CYP4F11: variants seen among roughly 807,000 people sequenced by gnomAD.
The protein encoded by CYP4F11 is cytochrome P450 4F11.
Under a neutral mutation model 62.2 loss-of-function variants are expected in CYP4F11, and 79 were observed. That is an observed-to-expected ratio of 1.27 (90% CI 1.06 to 1.53). The LOEUF (loss-of-function observed/expected upper bound fraction) is 1.53. CYP4F11 is among the 40% of genes most tolerant of loss of function. The probability of loss-of-function intolerance (pLI) is 0.00; values close to 1 mark genes in which losing one functional copy is unlikely to be tolerated. For synonymous variants in CYP4F11, 290 were observed against 263.7 expected (o/e 1.10, Z -0.97); for missense variants, 777 against 680.5 (o/e 1.14, Z -1.58).
chr19:15,921,475 T>G (rs2089628685), intron 8 of CYP4F11, among the ~76,000 whole-genome samples: 1 of 152,210 alleles, frequency 6.6e-6, no homozygotes, highest in Non-Finnish European at 1.5e-5. Context: ...CCCACCAGGC[T>G]GGGAGCACCT....
chr19:15,922,040 T>C lies in CYP4F11; in HGVS notation c.1112A>G (p.Glu371Gly). The C allele has an allele frequency of 6.2e-7, 1 of 1,603,274 alleles. No individual in the cohort carries two copies. Residue 371 changes from glutamate (E) to glycine (G), a missense_variant, in exon 8 of 12, where the codon GAA becomes GGA. Glu to Gly is a moderately conservative substitution (Grantham distance 98). Coordinates refer to ENST00000402119, the MANE Select transcript of CYP4F11 (RefSeq NM_021187.4). ...LLKDREPIEI[E>G]WDDLAQLPFL... Reference sequence around the variant, plus strand: ...ACAGGCCAGCACCTGCACTCACCATTCAATCTCTATAGGTTCACGGTCCTT... The same window carrying C: ...ACAGGCCAGCACCTGCACTCACCATCCAATCTCTATAGGTTCACGGTCCTT...
intron 6 of CYP4F11, among the ~76,000 whole-genome samples, chr19:15,923,603 T>C (rs1419750146): frequency 6.6e-6 from 1 of 152,012 alleles, no homozygotes; most frequent in Non-Finnish European, 1.5e-5. Context: ...GTAAGTAGAG[T>C]AAAATCTCAG....
In CYP4F11 at chr19:15,913,662, G is replaced by T; in HGVS notation, c.*70C>A. On this transcript the variant is annotated 3_prime_UTR_variant, in exon 12 of 12. Coordinates refer to ENST00000402119, the MANE Select transcript of CYP4F11 (RefSeq NM_021187.4). Reference sequence around the variant, plus strand: ...GGAGCCCCATGCTGGCTGTCAACGAGGCTCAAGCAGAGGTGTCAGCATAGT... The same window carrying T: ...GGAGCCCCATGCTGGCTGTCAACGATGCTCAAGCAGAGGTGTCAGCATAGT... 6.3e-7 allele frequency: 1 copy of T among 1,588,822 alleles called. No individual in the cohort carries two copies.
In CYP4F11 at chr19:15,922,562, G is replaced by A. The variant is rs2089637284; in HGVS notation, c.919-132C>T. Reference sequence around the variant, plus strand: ...CCAAGCCCATCATGCACTCCTAGATGTCTCTTGGTCACCACCATCAGAGCC... The same window carrying A: ...CCAAGCCCATCATGCACTCCTAGATATCTCTTGGTCACCACCATCAGAGCC... On this transcript the variant is annotated intron_variant, in intron 6 of 11. Coordinates refer to ENST00000402119, the MANE Select transcript of CYP4F11 (RefSeq NM_021187.4). 1.9e-5 allele frequency: 17 copies of A among 900,312 alleles called. No individual in the cohort carries two copies. The South Asian group carries it at 2.6e-4, about 14-fold the overall frequency. The allele number at this position is 900,312 out of a possible 1,614,324, so 55.8% of individuals were successfully genotyped here.
chr19:15,929,640 T>C (rs765233389), intron 1 of CYP4F11, 39 bp from the exon 2 acceptor site: 1 of 1,544,894 alleles, frequency 6.5e-7, no homozygotes, highest in Non-Finnish European at 8.7e-7. Flanking sequence ...TTGTGATGGT[T>C]AATTCTAGGC....
chr19:15,924,943 C>T lies in CYP4F11; in HGVS notation c.526-61G>A, dbSNP rs141283215. On this transcript the variant is annotated intron_variant, in intron 4 of 11. Transcript: ENST00000402119. The stretch of plus-strand genomic sequence containing the variant: ...TGCCTCCTGGGAGCACCTTCCCAGA[C>T]CCAAACATCAAGATGGACTCCCTGC... 4.9e-5 allele frequency: 76 copies of T among 1,546,058 alleles called. No individual in the cohort carries two copies. In the African/African-American group the frequency reaches 9.2e-4, roughly 19 times the overall value.
intron 8 of CYP4F11, among the ~76,000 whole-genome samples, chr19:15,918,585 G>A (rs951308806): frequency 1.6e-4 from 25 of 152,026 alleles, no homozygotes; most frequent in Admixed American, 6.6e-5. Context: ...TGCACTTTTG[G>A]GAATTTGTCC....
At position 15,922,135 on chromosome 19, in the gene CYP4F11, C is replaced by G. The variant is rs538980112; in HGVS notation, c.1017G>C (p.Trp339Cys). Reference sequence around the variant, plus strand: ...GGTGCTTTGCAAGGTGGTATAGGACCCAGGAGAGACCACTGGCTGTAGTGT... The same window carrying G: ...GGTGCTTTGCAAGGTGGTATAGGACGCAGGAGAGACCACTGGCTGTAGTGT... ...GHDTTASGLS[W>C]VLYHLAKHPE... Residue 339 changes from tryptophan (W) to cysteine (C), a missense_variant, in exon 8 of 12, where the codon TGG becomes TGC. By Grantham distance (215) the Trp-to-Cys change is radical. Transcript: ENST00000402119. The G allele has an allele frequency of 1.3e-4, 211 of 1,613,242 alleles. 1 individual carries two copies. In the Middle Eastern group the frequency reaches 3.8e-3, roughly 29 times the overall value.
rs796977089 is a variant in CYP4F11 at position 15,934,012 on chromosome 19, A to G, written c.198+199T>C. On this transcript the variant is annotated intron_variant, in intron 1 of 11. Coordinates refer to ENST00000402119, the MANE Select transcript of CYP4F11 (RefSeq NM_021187.4). ...GAGGAATGAGTGAGTGGGCAGAGGA[A>G]TGAGTGAGTGGGCAGAGGAATGAGT... 1.4e-3 allele frequency among the ~76,000 whole-genome samples: 89 copies of G among 63,960 alleles called. 1 individual carries two copies. The highest frequency in any genetic ancestry group is 2.3e-3 in the Non-Finnish European group (56 of 24,736). The allele number at this position is 63,960 out of a possible 152,430, so 42.0% of individuals were successfully genotyped here.
At position 15,928,595 on chromosome 19, in the gene CYP4F11, C is replaced by T. The variant is rs114793101; in HGVS notation, c.343+862G>A. Among the ~76,000 whole-genome samples, 252 of 152,294 alleles carry T rather than the reference C, an allele frequency of 1.7e-3. 1 individual carries two copies. Among genetic ancestry groups the T allele is most frequent in the African/African-American group, 5.1e-3 (211 of 41,560 alleles). On this transcript the variant is annotated intron_variant, in intron 2 of 11. Transcript: ENST00000402119. ...CTTAGACCACATGAGTCTGAGTTTCCATCACTCGCAACTGAAAGAGACTTC... is the reference window on the plus strand; with the variant it reads ...CTTAGACCACATGAGTCTGAGTTTCTATCACTCGCAACTGAAAGAGACTTC...
In CYP4F11 at chr19:15,924,040, G is replaced by A; in HGVS notation, c.690C>T (p.Ala230=). Reference sequence around the variant, plus strand: ...TCTGCTGGTTTCTCTTTTCTACAAAGGCACTGAGCTCCAAGATGGCGGCAA... The same window carrying A: ...TCTGCTGGTTTCTCTTTTCTACAAAAGCACTGAGCTCCAAGATGGCGGCAA... ...EYIAAILELS[A]FVEKRNQQIL... is the part of the protein sequence containing the mutation. Residue 230 remains alanine (A), a synonymous_variant, in exon 6 of 12, where the codon GCC becomes GCT. Transcript: ENST00000402119. The A allele has an allele frequency of 6.2e-7, 1 of 1,614,162 alleles. No homozygotes were observed. The highest frequency in any genetic ancestry group is 1.1e-5 in the South Asian group (1 of 91,076).
At chr19:15,921,196 C>G (rs769069253) in intron 8 of CYP4F11, among the ~76,000 whole-genome samples, 7 of 152,020 alleles carry the variant, frequency 4.6e-5, no homozygotes, top group Non-Finnish European at 1.0e-4. Context: ...ATCTACTGAT[C>G]ATTATTAAGG....
rs369765939 is a variant in CYP4F11 at position 15,913,745 on chromosome 19, G to T, written c.1562C>A (p.Ala521Glu). 1.2e-6 allele frequency: 2 copies of T among 1,614,086 alleles called. No homozygotes were observed. Among genetic ancestry groups the T allele is most frequent in the South Asian group, 1.1e-5 (1 of 91,072 alleles). The change falls in exon 12 of 12, where the codon GCG becomes GAG. Residue 521 changes from alanine (A) to glutamate (E), a missense_variant. By Grantham distance (107) the Ala-to-Glu change is moderately radical (BLOSUM62 -1). Transcript: ENST00000402119. Reference sequence around the variant, plus strand: ...TGGGTAGGACAGTCACTGTGAGTTCGCACCCAGGGGCTCCACCCGCAGCCA... The same window carrying T: ...TGGGTAGGACAGTCACTGTGAGTTCTCACCCAGGGGCTCCACCCGCAGCCA... ...GLWLRVEPLG[A>E]NSQ
In CYP4F11 at chr19:15,927,234, T is replaced by A; in HGVS notation, c.503A>T (p.Asn168Ile). ...CACGTGCATGATGTTCACACTCTTG[T>A]TGAAAATCTTCATATAAGGCTTCAA... is the stretch of plus-strand genomic sequence containing the variant. ...NILKPYMKIF[N>I]KSVNIMHDKW... Residue 168 changes from asparagine to isoleucine, a missense_variant, in exon 4 of 12, where the codon AAC becomes ATC. Physicochemically the swap from Asn to Ile is moderately radical, Grantham distance 149. Coordinates refer to ENST00000402119, the MANE Select transcript of CYP4F11 (RefSeq NM_021187.4). 3 of 1,614,122 alleles carry A rather than the reference T, an allele frequency of 1.9e-6. No individual in the cohort carries two copies. In the South Asian group the frequency reaches 3.3e-5, roughly 18 times the overall value.
rs1270011261 is a variant in CYP4F11 at position 15,914,858 on chromosome 19, T to A, written c.1153A>T (p.Ile385Phe). 6.2e-7 allele frequency: 1 copy of A among 1,614,128 alleles called. No individual in the cohort carries two copies. The highest frequency in any genetic ancestry group is 1.7e-5 in the Admixed American group (1 of 60,018). The change falls in exon 9 of 12, where the codon ATT (isoleucine) becomes TTT (phenylalanine). Residue 385 changes from isoleucine to phenylalanine, a missense_variant. Coordinates refer to ENST00000402119, the MANE Select transcript of CYP4F11 (RefSeq NM_021187.4). ...LAQLPFLTMC[I>F]KESLRLHPPV... ...GGATGCAACCGCAGGCTCTCCTTAA[T>A]GCACATGGTCAGGAAGGGCAGCTGG...
chr19:15,930,422 T>C (rs1326183073), intron 1 of CYP4F11, among the ~76,000 whole-genome samples: 1 of 152,034 alleles, frequency 6.6e-6, no homozygotes, highest in African/African-American at 2.4e-5. Context: ...GAAATCCCCG[T>C]GTCTACTAAA....
chr19:15,923,212 T>C (rs1481226732), intron 6 of CYP4F11, among the ~76,000 whole-genome samples: 1 of 150,418 alleles, frequency 6.6e-6, no homozygotes, highest in Non-Finnish European at 1.5e-5. Context: ...AAAGGAGTAG[T>C]TTTTATTCCA....
intron 8 of CYP4F11, 93 bp from the exon 9 acceptor site, chr19:15,914,988 C>T: frequency 6.5e-7 from 1 of 1,526,772 alleles, no homozygotes; most frequent in African/African-American, 1.4e-5. Context: ...TTCTCCCTAT[C>T]ACAAAATAAA....
upstream of CYP4F11, chr19:15,934,623 G>A (rs1263113843): frequency 1.8e-6 from 1 of 547,574 alleles, no homozygotes; most frequent in South Asian, 2.6e-5. Context: ...AAGGGAAAGA[G>A]AGAGAGAGGC....
Sources: allele counts gnomAD v4.1 joint callset (sites outside exome capture counted in the v4.1 genomes callset), GRCh38; gene constraint gnomAD v4.1.1; transcripts MANE v1.5; gene names NCBI Gene and HGNC (gene_info 2026-07-23, HGNC 2026-07-21).